ZNF180: variants seen among roughly 807,000 people sequenced by gnomAD.
The protein encoded by ZNF180 is zinc finger protein 180 (HHZ168).
A neutral mutation model predicts 11.8 loss-of-function variants in ZNF180; 11 were observed. That is an observed-to-expected ratio of 0.93 (90% CI 0.59 to 1.55). The LOEUF (loss-of-function observed/expected upper bound fraction) is 1.55. ZNF180 is among the 40% of genes most tolerant of loss of function. The pLI is 0.00. For synonymous variants in ZNF180, 287 were observed against 257.7 expected, an observed-to-expected ratio of 1.11 and a Z score of -1.09; for missense variants, 773 against 781.7, an observed-to-expected ratio of 0.99 and a Z score of 0.13.
intron 2 of ZNF180, among the ~76,000 whole-genome samples, chr19:44,486,525 C>T (rs759446517): frequency 1.3e-5 from 2 of 152,184 alleles, no homozygotes; most frequent in Non-Finnish European, 2.9e-5. Context: ...ATACTTTGCT[C>T]CTCCTCAAAT....
At chr19:44,500,170 A>C (rs2123522704) in intron 1 of ZNF180, 105 bp downstream of exon 1, 9 of 1,614,084 alleles carry the variant, frequency 5.6e-6, no homozygotes, top group Non-Finnish European at 7.6e-6. Context: ...CCACCCGCAC[A>C]GATACCAGGT....
intron 2 of ZNF180, among the ~76,000 whole-genome samples, chr19:44,492,070 G>A (rs192112726): frequency 2.4e-3 from 372 of 152,224 alleles, no homozygotes; most frequent in African/African-American, 8.5e-3. Flanking sequence ...TCCATGAAGC[G>A]TTCCCAGATA....
chr19:44,486,321 G>A (rs1241332008), intron 2 of ZNF180, among the ~76,000 whole-genome samples: 1 of 152,148 alleles, frequency 6.6e-6, no homozygotes, highest in Non-Finnish European at 1.5e-5. Context: ...CTGAGGAGCA[G>A]GTTCACTGTC....
In ZNF180 at chr19:44,477,257, A is replaced by G. The variant is rs766518847; in HGVS notation, c.1143T>C (p.Pro381=). Residue 381 remains proline, a synonymous_variant, in exon 5 of 5, where the codon CCT becomes CCC. Transcript: ENST00000592529. ...ATTTCCCACATTGATTACACCTGTA[A>G]GGTTTCTCTCCAGTATGAGTTCTCT... is the stretch of plus-strand genomic sequence containing the variant. The part of the protein sequence containing the change: ...SHQRTHTGEK[P]YRCNQCGKSF... 7 of 1,613,752 alleles carry G rather than the reference A, an allele frequency of 4.3e-6. No homozygotes were observed. In the East Asian group the frequency reaches 1.6e-4, roughly 36 times the overall value.
At chr19:44,499,352 A>T (rs1267514264) in intron 1 of ZNF180, among the ~76,000 whole-genome samples, 1 of 152,174 alleles carries the variant, frequency 6.6e-6, no homozygotes, top group Non-Finnish European at 1.5e-5. Context: ...GCCTGCAAAT[A>T]GCGTACCCAA....
intron 1 of ZNF180, among the ~76,000 whole-genome samples, chr19:44,497,709 G>C (rs1185893875): frequency 6.6e-6 from 1 of 151,966 alleles, no homozygotes; most frequent in Non-Finnish European, 1.5e-5. Context: ...CTATTCACTG[G>C]GCCCTGGGAT....
chr19:44,500,250 A>G lies in ZNF180; in HGVS notation c.-44+25T>C, dbSNP rs748341788. The stretch of plus-strand genomic sequence containing the variant: ...CTGCGCATGCGCGCATCGGACACCA[A>G]GCGCTGCCCCACGCCCCTACCAACC... On this transcript the variant is annotated intron_variant, in intron 1 of 4. Transcript: ENST00000592529. 1.1e-5 allele frequency: 17 copies of G among 1,613,774 alleles called. No individual in the cohort carries two copies. In the East Asian group the frequency reaches 2.7e-4, roughly 25 times the overall value.
chr19:44,487,208 T>C (rs1437987780), intron 2 of ZNF180, among the ~76,000 whole-genome samples: 3 of 152,192 alleles, frequency 2.0e-5, no homozygotes, highest in Non-Finnish European at 4.4e-5. Context: ...TATTTTACTA[T>C]TACAGTAGGA....
chr19:44,484,973 C>T (rs769241664), intron 2 of ZNF180: 1 of 153,390 alleles, frequency 6.5e-6, no homozygotes, highest in Non-Finnish European at 1.5e-5. Context: ...CCAGCCTGGC[C>T]AACATGGTGA....
intron 3 of ZNF180, among the ~76,000 whole-genome samples, chr19:44,482,650 T>C (rs1341727671): frequency 6.6e-6 from 1 of 152,170 alleles, no homozygotes; most frequent in Non-Finnish European, 1.5e-5. Flanking sequence ...ATATTGTCTA[T>C]AGCATCCACT....
At position 44,476,306 on chromosome 19, in the gene ZNF180, G is replaced by T; in HGVS notation, c.*96C>A. The T allele has an allele frequency of 8.4e-7, 1 of 1,194,654 alleles. No homozygotes were observed. The highest frequency in any genetic ancestry group is 1.1e-6 in the Non-Finnish European group (1 of 875,986). 74.0% of individuals were successfully genotyped at this position (1,194,654 alleles called of 1,614,324 possible). A position where few individuals can be genotyped will look rare whatever the true frequency, so the allele number is the denominator to read the frequency against. ...GGCTGGAAGTTTTCCCACATATATT[G>T]TTTTTATAGTAGTTCTTCCAACTAC... On this transcript the variant is annotated 3_prime_UTR_variant, in exon 5 of 5. Transcript: ENST00000592529.
intron 2 of ZNF180, among the ~76,000 whole-genome samples, chr19:44,488,919 C>A (rs1168675672): frequency 6.6e-6 from 1 of 151,166 alleles, no homozygotes; most frequent in Non-Finnish European, 1.5e-5. Context: ...TGGCAACCGC[C>A]CCGTCTGAGA....
intron 3 of ZNF180, among the ~76,000 whole-genome samples, chr19:44,482,010 G>C (rs1435099807): frequency 6.6e-6 from 1 of 152,096 alleles, no homozygotes; most frequent in Non-Finnish European, 1.5e-5. Flanking sequence ...CTCATCTTTT[G>C]TAACAATAAA....
chr19:44,484,382 C>A lies in ZNF180; in HGVS notation c.105G>T (p.Gly35=). 4 of 1,613,904 alleles carry A rather than the reference C, an allele frequency of 2.5e-6. No individual in the cohort carries two copies. Among genetic ancestry groups the A allele is most frequent in the Non-Finnish European group, 3.4e-6 (4 of 1,179,818 alleles). The change falls in exon 3 of 5, where the codon GGG becomes GGT. Residue 35 remains glycine, a synonymous_variant. Transcript: ENST00000592529. The part of the protein sequence containing the change: ...IIIKVEGEDT[G]SLTIPSQEGV... ...CTACCTGAGATGGGATGGTCAGAGA[C>A]CCAGTGTCTTCTCCCTCGACTTTGA...
At chr19:44,490,296 C>T (rs143045867) in intron 2 of ZNF180, among the ~76,000 whole-genome samples, 199 of 152,244 alleles carry the variant, frequency 1.3e-3, no homozygotes, top group African/African-American at 4.5e-3. Context: ...GGATTACAGG[C>T]GTGAGTCACC....
chr19:44,491,970 C>T (rs1341554364), intron 2 of ZNF180, among the ~76,000 whole-genome samples: 1 of 152,142 alleles, frequency 6.6e-6, no homozygotes, highest in African/African-American at 2.4e-5. Flanking sequence ...TCATTTAAGT[C>T]CACTGATTGC....
chr19:44,485,546 G>A (rs923699152), intron 2 of ZNF180, among the ~76,000 whole-genome samples: 2 of 152,108 alleles, frequency 1.3e-5, no homozygotes, highest in Non-Finnish European at 2.9e-5. Flanking sequence ...GACCACGTCG[G>A]GTGTTTTTGT....
At chr19:44,497,185 C>A (rs905218775) in intron 2 of ZNF180, 99 bp downstream of exon 2, 1 of 1,069,448 alleles carries the variant, frequency 9.4e-7, no homozygotes. Flanking sequence ...GGGCCTCAAA[C>A]CCCCTAAAAG....
chr19:44,491,326 A>C (rs1043153550), intron 2 of ZNF180, among the ~76,000 whole-genome samples: 1 of 152,194 alleles, frequency 6.6e-6, no homozygotes, highest in African/African-American at 2.4e-5. Context: ...TTACAAACTA[A>C]ATGCTCAGAA....
Sources: allele counts gnomAD v4.1 joint callset (sites outside exome capture counted in the v4.1 genomes callset), GRCh38; gene constraint gnomAD v4.1.1; transcripts MANE v1.5; gene names NCBI Gene and HGNC (gene_info 2026-07-23, HGNC 2026-07-21).